The following CSMD2 variants were observed in gnomAD, a reference collection of about 807,000 sequenced individuals.
CSMD2 encodes the protein CUB and sushi domain-containing protein 2.
A neutral mutation model predicts 398.5 loss-of-function variants in CSMD2; 130 were observed. The observed-to-expected ratio is 0.33, with a 90% CI of 0.28 to 0.38. The LOEUF is 0.38. CSMD2 is among the 10% of genes least tolerant of loss of function. The probability of loss-of-function intolerance (pLI) is 1.00; values close to 1 mark genes in which losing one functional copy is unlikely to be tolerated. For missense variants in CSMD2, 3,829 were observed against 4,764.9 expected (o/e 0.80, Z 5.78); for synonymous variants, 1,828 against 1,908.5 (o/e 0.96, Z 1.10).
chr1:33,711,911 C>T (rs904416615), intron 21 of CSMD2, among the ~76,000 whole-genome samples: 4 of 152,130 alleles, frequency 2.6e-5, no homozygotes, highest in East Asian at 1.9e-4. Context: ...TTGTCCTGGG[C>T]ACCAGGGAGG....
intron 24 of CSMD2, among the ~76,000 whole-genome samples, chr1:33,698,457 G>A (rs1294466405): frequency 2.0e-5 from 3 of 152,124 alleles, no homozygotes; most frequent in South Asian, 4.1e-4. Flanking sequence ...CCACCTCATC[G>A]CTATCACCCG....
rs758778612 is a variant in CSMD2 at position 33,698,861 on chromosome 1, A to C, written c.3817T>G (p.Ser1273Ala). 34 of 1,614,052 alleles carry C rather than the reference A, an allele frequency of 2.1e-5. No individual in the cohort carries two copies. Among genetic ancestry groups the C allele is most frequent in the Non-Finnish European group, 2.6e-5 (31 of 1,180,030 alleles). ...CCAGGGTCACAGCTGAAGGACACGG[A>C]GCTCCCTGCAAAATGACCTTCATCA... ...VHDEGHFAGS[S>A]VSFSCDPGYS... Residue 1273 changes from serine to alanine, a missense_variant, in exon 24 of 71, where the codon TCC (serine) becomes GCC (alanine). By Grantham distance (99) the Ser-to-Ala change is moderately conservative (BLOSUM62 1). Coordinates refer to ENST00000373381, the MANE Select transcript of CSMD2 (RefSeq NM_001281956.2).
chr1:33,718,650 A>G (rs1159893562), intron 19 of CSMD2, among the ~76,000 whole-genome samples: 2 of 152,240 alleles, frequency 1.3e-5, no homozygotes, highest in Non-Finnish European at 2.9e-5. Context: ...TTTGGCCTCC[A>G]CTGAAGACCT....
intron 23 of CSMD2, among the ~76,000 whole-genome samples, chr1:33,700,073 A>G (rs1645558485): frequency 6.6e-6 from 1 of 151,866 alleles, no homozygotes; most frequent in South Asian, 2.1e-4. Context: ...CAGTGGCGCA[A>G]TCTCGGCTCA....
At chr1:34,026,730 T>A (rs1269224261) in intron 3 of CSMD2, among the ~76,000 whole-genome samples, 3 of 152,130 alleles carry the variant, frequency 2.0e-5, no homozygotes. Context: ...TTGGGAGTTG[T>A]GTGTGGGGAA....
intron 3 of CSMD2, among the ~76,000 whole-genome samples, chr1:33,951,981 C>T (rs773965695): frequency 2.0e-5 from 3 of 152,224 alleles, no homozygotes; most frequent in Non-Finnish European, 4.4e-5. Flanking sequence ...GTTCAAATGT[C>T]ACCTCTGGGA....
At chr1:33,824,760 C>T (rs542255111) in intron 7 of CSMD2, among the ~76,000 whole-genome samples, 110 of 151,682 alleles carry the variant, frequency 7.3e-4, no homozygotes, top group Middle Eastern at 6.8e-3. Context: ...ATGAGAAGAA[C>T]GATGGAGCAG....
intron 1 of CSMD2, among the ~76,000 whole-genome samples, chr1:34,090,060 G>T (rs1242515521): frequency 6.6e-6 from 1 of 152,122 alleles, no homozygotes; most frequent in Non-Finnish European, 1.5e-5. Context: ...GGGCTCAGTG[G>T]CTATTTTTCC....
At chr1:33,695,443 G>A (rs943140098) in intron 24 of CSMD2, among the ~76,000 whole-genome samples, 1 of 152,136 alleles carries the variant, frequency 6.6e-6, no homozygotes, top group Non-Finnish European at 1.5e-5. Context: ...AGGGAGGCAG[G>A]TGAAGAGGTC....
intron 3 of CSMD2, among the ~76,000 whole-genome samples, chr1:33,983,825 C>T (rs564173392): frequency 3.9e-5 from 6 of 152,012 alleles, no homozygotes; most frequent in Non-Finnish European, 5.9e-5. Flanking sequence ...TCAGGGCAGA[C>T]GAAAGACTTG....
chr1:33,864,756 A>C, intron 5 of CSMD2: 1 of 1,592,284 alleles, frequency 6.3e-7, no homozygotes, highest in South Asian at 1.1e-5. Context: ...GAGCTGATGG[A>C]TCCAGTTTGA....
chr1:34,009,447 C>T (rs553201716), intron 3 of CSMD2, among the ~76,000 whole-genome samples: 2 of 152,086 alleles, frequency 1.3e-5, no homozygotes, highest in East Asian at 1.9e-4. Flanking sequence ...CCGCCCTGAT[C>T]TTTCTGGGCC....
chr1:33,920,355 C>A (rs1311913889), intron 4 of CSMD2, among the ~76,000 whole-genome samples: 1 of 148,818 alleles, frequency 6.7e-6, no homozygotes, highest in Non-Finnish European at 1.5e-5. Context: ...ATGATGAAAC[C>A]CTGTCTCTAC....
chr1:33,737,164 C>T (rs1198213773), intron 15 of CSMD2, among the ~76,000 whole-genome samples: 1 of 152,214 alleles, frequency 6.6e-6, no homozygotes, highest in African/African-American at 2.4e-5. Context: ...CCCATTAATT[C>T]TACAGCTGGG....
At chr1:33,967,038 T>C (rs12118822) in intron 3 of CSMD2, among the ~76,000 whole-genome samples, 7,990 of 152,312 alleles carry the variant, frequency 0.052, 310 homozygotes, top group East Asian at 0.18. Context: ...AGGGGCGTGG[T>C]ATTATTATTC....
chr1:33,551,909 T>C (rs1326621719), intron 55 of CSMD2, among the ~76,000 whole-genome samples: 2 of 152,104 alleles, frequency 1.3e-5, no homozygotes, highest in African/African-American at 2.4e-5. Context: ...GACTACGGAA[T>C]GACAAGAACT....
At chr1:33,942,323 A>G (rs1419086896) in intron 3 of CSMD2, among the ~76,000 whole-genome samples, 1 of 152,242 alleles carries the variant, frequency 6.6e-6, no homozygotes, top group Admixed American at 6.5e-5. Context: ...ACCTTGAAAC[A>G]TTCTCACAAG....
chr1:34,132,581 T>C (rs994001543), intron 1 of CSMD2, among the ~76,000 whole-genome samples: 4 of 152,126 alleles, frequency 2.6e-5, no homozygotes, highest in Non-Finnish European at 5.9e-5. Context: ...TTCAGGAAAA[T>C]ATTAGCATTG....
At chr1:33,605,169 G>A (rs1640505063) in intron 42 of CSMD2, 113 bp downstream of exon 42, 2 of 1,033,004 alleles carry the variant, frequency 1.9e-6, no homozygotes, top group Admixed American at 4.8e-5. Context: ...CAGTTTGCCT[G>A]GACCTCCAGC....
Sources: allele counts gnomAD v4.1 joint callset (sites outside exome capture counted in the v4.1 genomes callset), GRCh38; gene constraint gnomAD v4.1.1; transcripts MANE v1.5; gene names NCBI Gene and HGNC (gene_info 2026-07-23, HGNC 2026-07-21).